The following SGO2 variants were observed in gnomAD, a reference collection of about 807,000 sequenced individuals.
The protein encoded by SGO2 is shugoshin-like 2.
SGO2 carries 68 observed loss-of-function variants against 99.5 expected under a neutral mutation model. The observed-to-expected ratio is 0.68, with a 90% CI of 0.56 to 0.84. SGO2 has a LOEUF of 0.84. SGO2 is among the 40% of genes least tolerant of loss of function. SGO2 has a pLI of 0.00. For synonymous variants in SGO2, 457 were observed against 487.1 expected (o/e 0.94, Z 0.81); for missense variants, 1,350 against 1,436.7 (o/e 0.94, Z 0.97).
At chr2:200,530,054 G>A (rs759639650) in intron 1 of SGO2, among the ~76,000 whole-genome samples, 4 of 152,334 alleles carry the variant, frequency 2.6e-5, no homozygotes, top group African/African-American at 9.6e-5. Context: ...ATGCGATAGA[G>A]GGAGAGGAGG....
rs376040922 is a variant in SGO2, at chr2:200,566,056, CCTT to C, written c.474-3601_474-3599del. On this transcript the variant is annotated intron_variant, in intron 5 of 8. Coordinates refer to ENST00000357799, the MANE Select transcript of SGO2 (RefSeq NM_152524.6). ...GTTTGTTATTACAGATCGTCTAAAA[CCTT>C]CTTCTCTCCACTCATCAAAGTCATT... 1.5e-3 allele frequency among the ~76,000 whole-genome samples: 231 copies of C among 152,294 alleles called. 1 individual carries two copies. The highest frequency in any genetic ancestry group is 5.2e-3 in the African/African-American group (218 of 41,560).
chr2:200,565,136 G>T (rs1404951899), intron 5 of SGO2, among the ~76,000 whole-genome samples: 1 of 152,196 alleles, frequency 6.6e-6, no homozygotes, highest in Non-Finnish European at 1.5e-5. Context: ...CTTGTTAGTT[G>T]ATGCAGTTTC....
intron 5 of SGO2, among the ~76,000 whole-genome samples, chr2:200,567,254 C>T (rs1379194396): frequency 6.6e-6 from 1 of 152,112 alleles, no homozygotes; most frequent in Non-Finnish European, 1.5e-5. Context: ...TAGTGAGAAC[C>T]TTTCTTTCCT....
intron 5 of SGO2, among the ~76,000 whole-genome samples, chr2:200,567,070 C>T (rs897505553): frequency 2.0e-5 from 3 of 152,208 alleles, no homozygotes; most frequent in Non-Finnish European, 4.4e-5. Flanking sequence ...GGGCTGCACC[C>T]ACTGTCCTGT....
chr2:200,533,641 C>CA (rs373380994), intron 2 of SGO2, among the ~76,000 whole-genome samples: 75 of 136,374 alleles, frequency 5.5e-4, no homozygotes, highest in African/African-American at 9.4e-4. Flanking sequence ...ATCAGAAGGG[C>CA]AAAAAAAAAA....
chr2:200,567,573 A>T (rs191226282), intron 5 of SGO2, among the ~76,000 whole-genome samples: 2 of 152,238 alleles, frequency 1.3e-5, no homozygotes, highest in East Asian at 3.9e-4. Flanking sequence ...AAATATTTCA[A>T]TCTCTAAAAG....
chr2:200,536,711 C>A (rs2031712259), intron 4 of SGO2, among the ~76,000 whole-genome samples: 2 of 152,078 alleles, frequency 1.3e-5, no homozygotes, highest in Non-Finnish European at 2.9e-5. Context: ...TAGCTACCTT[C>A]TTGAACTTAC....
chr2:200,563,321 G>C (rs2033047705), intron 5 of SGO2, among the ~76,000 whole-genome samples: 1 of 152,090 alleles, frequency 6.6e-6, no homozygotes, highest in Non-Finnish European at 1.5e-5. Context: ...ATAATCATGT[G>C]GTTTTTGTCT....
chr2:200,543,940 C>T (rs73044134), intron 5 of SGO2, among the ~76,000 whole-genome samples: 29,211 of 152,010 alleles, frequency 0.19, 2,917 homozygotes, highest in Non-Finnish European at 0.21. Context: ...GTAATGCATA[C>T]CCAGAACAAG....
intron 5 of SGO2, among the ~76,000 whole-genome samples, chr2:200,546,656 A>C (rs1424526339): frequency 6.6e-6 from 1 of 152,170 alleles, no homozygotes; most frequent in Non-Finnish European, 1.5e-5. Flanking sequence ...AATTTATCAG[A>C]GAAATTTAAC....
At chr2:200,551,525 G>A (rs842932) in intron 5 of SGO2, among the ~76,000 whole-genome samples, 120,780 of 152,014 alleles carry the variant, frequency 0.79, 48,216 homozygotes, top group Non-Finnish European at 0.83. Flanking sequence ...TGGGAAAGAT[G>A]TAAGTCATAT....
intron 1 of SGO2, chr2:200,532,441 G>A (rs1459866867): frequency 5.1e-6 from 5 of 984,728 alleles, no homozygotes; most frequent in African/African-American, 1.8e-5. Context: ...ACAGTTAATC[G>A]CTTCTCCTCT....
intron 1 of SGO2, among the ~76,000 whole-genome samples, chr2:200,531,253 C>T (rs559731748): frequency 6.6e-6 from 1 of 152,212 alleles, no homozygotes; most frequent in South Asian, 2.1e-4. Flanking sequence ...AAGTTCTCCA[C>T]AGGTTGCTTC....
At chr2:200,546,472 T>TA (rs1325170737) in intron 5 of SGO2, among the ~76,000 whole-genome samples, 4 of 151,292 alleles carry the variant, frequency 2.6e-5, no homozygotes, top group African/African-American at 9.7e-5. Context: ...GACATAGACT[T>TA]ACACTCACTA....
At chr2:200,528,742 A>C (rs1309638119) in intron 1 of SGO2, among the ~76,000 whole-genome samples, 1 of 152,216 alleles carries the variant, frequency 6.6e-6, no homozygotes, top group East Asian at 1.9e-4. Flanking sequence ...TAAATATAAA[A>C]GAGATGAGAT....
At chr2:200,535,809 TC>T in intron 3 of SGO2, among the ~76,000 whole-genome samples, 1 of 152,154 alleles carries the variant, frequency 6.6e-6, no homozygotes, top group East Asian at 1.9e-4. Flanking sequence ...ACAAAATTGT[TC>T]TAAAGTATTC....
chr2:200,527,174 G>A (rs2031138977), intron 1 of SGO2, among the ~76,000 whole-genome samples: 1 of 152,164 alleles, frequency 6.6e-6, no homozygotes, highest in African/African-American at 2.4e-5. Context: ...GGGGGTTGCA[G>A]GGCAGTGTCA....
At chr2:200,580,053 T>C (rs908112907) in intron 8 of SGO2, among the ~76,000 whole-genome samples, 2 of 152,190 alleles carry the variant, frequency 1.3e-5, no homozygotes, top group Non-Finnish European at 2.9e-5. Flanking sequence ...GACCTAGTAC[T>C]GTTTTGTGTG....
At position 200,571,148 on chromosome 2, in the gene SGO2, A is replaced by G. The variant is rs767557583; in HGVS notation, c.802A>G (p.Ser268Gly). Reference protein sequence around the residue: ...IGRRWEKPSPSNVTERKKRGS... With the variant: ...IGRRWEKPSPGNVTERKKRGS... The stretch of plus-strand genomic sequence containing the variant: ...CCGCAGATGGGAGAAACCATCTCCT[A>G]GTAATGTGACTGAAAGGAAGAAGCG... Residue 268 changes from serine (S) to glycine (G), a missense_variant, in exon 7 of 9, where the codon AGT becomes GGT. Transcript: ENST00000357799. 1.2e-6 allele frequency: 2 copies of G among 1,613,692 alleles called. No individual in the cohort carries two copies. Among genetic ancestry groups the G allele is most frequent in the Non-Finnish European group, 1.7e-6 (2 of 1,179,674 alleles).
Sources: allele counts gnomAD v4.1 joint callset (sites outside exome capture counted in the v4.1 genomes callset), GRCh38; gene constraint gnomAD v4.1.1; transcripts MANE v1.5; gene names NCBI Gene and HGNC (gene_info 2026-07-23, HGNC 2026-07-21).